Variants in DYDC2 observed in about 807,000 individuals in gnomAD.
DYDC2 encodes the protein DPY30 domain containing 2, also known as DPY30 domain-containing protein 2.
Under a neutral mutation model 18.7 loss-of-function variants are expected in DYDC2, and 19 were observed. That is an observed-to-expected ratio of 1.02 (90% CI 0.71 to 1.49). DYDC2 has a LOEUF of 1.49. DYDC2 is among the 40% of genes most tolerant of loss of function. The pLI is 0.00. For synonymous variants in DYDC2, 63 were observed against 67.6 expected, an observed-to-expected ratio of 0.93 and a Z score of 0.34; for missense variants, 179 against 205.1, an observed-to-expected ratio of 0.87 and a Z score of 0.78.
At chr10:80,358,658 T>G (rs1843548109) in intron 2 of DYDC2, among the ~76,000 whole-genome samples, 1 of 152,182 alleles carries the variant, frequency 6.6e-6, no homozygotes, top group African/African-American at 2.4e-5. Context: ...CCAGGCAAAG[T>G]AGATTGGTAA....
chr10:80,346,696 G>C (rs1466793105), intron 1 of DYDC2, among the ~76,000 whole-genome samples: 1 of 151,240 alleles, frequency 6.6e-6, no homozygotes, highest in Non-Finnish European at 1.5e-5. Flanking sequence ...TCCTGACTTT[G>C]TGATCTGCCC....
upstream of DYDC2, chr10:80,352,748 G>A: frequency 1.8e-6 from 2 of 1,114,518 alleles, no homozygotes; most frequent in Non-Finnish European, 2.3e-6. Context: ...GGTGTCACAA[G>A]CAAGCTGGCC....
chr10:80,362,910 C>T, intron 3 of DYDC2, 41 bp from the exon 4 acceptor site: 1 of 1,597,542 alleles, frequency 6.3e-7, no homozygotes, highest in Non-Finnish European at 8.5e-7. Context: ...ATAAGGCTTC[C>T]CTGGTTGCTG....
In DYDC2 at chr10:80,357,885, A is replaced by G. The variant is rs1452029571; in HGVS notation, c.-162-8A>G. On this transcript the variant is annotated splice_polypyrimidine_tract_variant and splice_region_variant and intron_variant, in intron 1 of 4. Transcript: ENST00000256039. ...TCTCTCAATGAATAAGTCAAGAAATATTTACAGAGCTCCCAGTGTGCCAAG... is the reference window on the plus strand; with the variant it reads ...TCTCTCAATGAATAAGTCAAGAAATGTTTACAGAGCTCCCAGTGTGCCAAG... The G allele has an allele frequency of 2.3e-5, 23 of 985,294 alleles. No homozygotes were observed. The highest frequency in any genetic ancestry group is 2.7e-5 in the Non-Finnish European group (22 of 829,944). The allele number at this position is 985,294 out of a possible 1,614,324, so 61.0% of individuals were successfully genotyped here.
At chr10:80,351,208 G>A (rs371977850) in intron 1 of DYDC2, among the ~76,000 whole-genome samples, 24 of 152,142 alleles carry the variant, frequency 1.6e-4, no homozygotes, top group Admixed American at 3.3e-4. Context: ...ACAGTTGTAC[G>A]CAGAAGGTGC....
At chr10:80,356,699 C>G (rs1175741880), upstream of DYDC2, 1 of 984,380 alleles carries the variant, frequency 1.0e-6, no homozygotes, top group Non-Finnish European at 1.2e-6. Context: ...TCGGGCCTTT[C>G]CGGTGCGCTC....
In DYDC2 at chr10:80,359,788, G is replaced by A. The variant is rs368480336; in HGVS notation, c.-10+1743G>A. ...AGTGCTGGCCGGCTGATCCGAGTGC[G>A]GGGCCCACCAAGCCCGCGCCCACCC... On this transcript the variant is annotated intron_variant, in intron 2 of 4. Transcript: ENST00000256039. Among the ~76,000 whole-genome samples the A allele has an allele frequency of 3.9e-5, 6 of 152,276 alleles. No homozygotes were observed. The South Asian group carries it at 1.2e-3, about 32-fold the overall frequency.
At chr10:80,352,528 C>T (rs368762666), upstream of DYDC2, 83 of 1,613,346 alleles carry the variant, frequency 5.1e-5, 1 homozygote, top group Middle Eastern at 1.6e-4. Flanking sequence ...ATCCACTGGG[C>T]GAACTCTTGC....
At chr10:80,359,703 C>G (rs930408623) in intron 2 of DYDC2, among the ~76,000 whole-genome samples, 5 of 152,138 alleles carry the variant, frequency 3.3e-5, no homozygotes, top group Non-Finnish European at 5.9e-5. Flanking sequence ...TGCTGGGGGA[C>G]CCAGCACACC....
Position 80,362,926 on chromosome 10 carries a change from A to T in DYDC2, c.148-25A>T, listed in dbSNP as rs759136576. ...TAAGGCTTCCCTGGTTGCTGACCTGATTTGACTCTGTCACCTCACCCCAGA... is the reference window on the plus strand; with the variant it reads ...TAAGGCTTCCCTGGTTGCTGACCTGTTTTGACTCTGTCACCTCACCCCAGA... On this transcript the variant is annotated intron_variant, in intron 3 of 4. Coordinates refer to ENST00000256039, the MANE Select transcript of DYDC2 (RefSeq NM_032372.6). 2.5e-6 allele frequency: 4 copies of T among 1,607,880 alleles called. No homozygotes were observed. The East Asian group carries it at 6.7e-5, about 27-fold the overall frequency.
At chr10:80,362,683 G>A in intron 3 of DYDC2, 93 bp downstream of exon 3, 1 of 1,499,394 alleles carries the variant, frequency 6.7e-7, no homozygotes, top group Non-Finnish European at 8.9e-7. Flanking sequence ...GCTGGCCTGG[G>A]GAATTTCTTG....
intron 2 of DYDC2, among the ~76,000 whole-genome samples, chr10:80,360,417 C>T (rs541251080): frequency 1.8e-4 from 27 of 152,256 alleles, no homozygotes; most frequent in African/African-American, 6.5e-4. Context: ...CCTGTCTGAC[C>T]GTACTGTGTC....
At chr10:80,351,847 C>T, upstream of DYDC2, 1 of 1,527,312 alleles carries the variant, frequency 6.5e-7, no homozygotes, top group Non-Finnish European at 9.0e-7. Flanking sequence ...CTGTGCCATG[C>T]TGAGGTTGGC....
At chr10:80,362,889 G>A in intron 3 of DYDC2, 62 bp from the exon 4 acceptor site, 2 of 1,574,458 alleles carry the variant, frequency 1.3e-6, no homozygotes, top group Middle Eastern at 1.7e-4. Context: ...CCCAGTGAGG[G>A]GGCCCCGTTT....
chr10:80,359,571 C>A (rs745372459), intron 2 of DYDC2, among the ~76,000 whole-genome samples: 1 of 152,144 alleles, frequency 6.6e-6, no homozygotes, highest in Admixed American at 6.5e-5. Context: ...AGGGAGGCTC[C>A]GACAGCACAG....
chr10:80,345,906 GGAGTGCA>G (rs1842591945), intron 1 of DYDC2, among the ~76,000 whole-genome samples: 1 of 152,074 alleles, frequency 6.6e-6, no homozygotes, highest in African/African-American at 2.4e-5. Context: ...CACCCAGGTG[GGAGTGCA>G]GTGGCACTGC....
At chr10:80,350,830 G>A (rs1164636640) in intron 1 of DYDC2, among the ~76,000 whole-genome samples, 1 of 152,076 alleles carries the variant, frequency 6.6e-6, no homozygotes, top group Non-Finnish European at 1.5e-5. Context: ...AGCCATTCTG[G>A]AACTTTCCTC....
chr10:80,357,016 G>T (rs1843418920), intron 1 of DYDC2, among the ~76,000 whole-genome samples, 191 bp downstream of exon 1: 1 of 142,844 alleles, frequency 7.0e-6, no homozygotes, highest in Non-Finnish European at 1.5e-5. Flanking sequence ...AGGAGGGGGC[G>T]TGCAGGCGCG....
upstream of DYDC2, chr10:80,356,148 G>C (rs1843354863): frequency 1.4e-6 from 1 of 735,990 alleles, no homozygotes. Flanking sequence ...GGGCATATCA[G>C]TGGGACCCAG....
Sources: allele counts gnomAD v4.1 joint callset (sites outside exome capture counted in the v4.1 genomes callset), GRCh38; gene constraint gnomAD v4.1.1; transcripts MANE v1.5; gene names NCBI Gene and HGNC (gene_info 2026-07-23, HGNC 2026-07-21).